FAM168A: variants seen among roughly 807,000 people sequenced by gnomAD.
The protein encoded by FAM168A is family with sequence similarity 168 member A.
FAM168A carries 3 observed loss-of-function variants against 28.5 expected under a neutral mutation model. That is an observed-to-expected ratio of 0.11 (90% confidence interval 0.05 to 0.27). FAM168A has a LOEUF of 0.27. FAM168A is among the 10% of genes least tolerant of loss of function. The pLI, the probability that FAM168A is intolerant of heterozygous loss-of-function variation, is 1.00. For synonymous variants in FAM168A, 122 were observed against 124.2 expected (o/e 0.98, Z 0.12); for missense variants, 222 against 311.5 (o/e 0.71, Z 2.16).
At chr11:73,409,413 T>C in intron 6 of FAM168A, 74 bp downstream of exon 6, 1 of 1,585,204 alleles carries the variant, frequency 6.3e-7, no homozygotes. Flanking sequence ...CAGCCAATTC[T>C]ATGACTGTGT....
chr11:73,456,607 C>T (rs924677770), intron 2 of FAM168A, among the ~76,000 whole-genome samples: 4 of 152,228 alleles, frequency 2.6e-5, no homozygotes, highest in African/African-American at 7.2e-5. Context: ...CTACATGACA[C>T]TGACAGTTTT....
At chr11:73,564,952 T>C (rs540277333) in intron 1 of FAM168A, among the ~76,000 whole-genome samples, 66 of 151,806 alleles carry the variant, frequency 4.3e-4, no homozygotes, top group Non-Finnish European at 7.1e-4. Context: ...AGAAAAAGGG[T>C]CAGTTAGCAA....
At chr11:73,422,559 TGAAGACAA>T (rs1161156255) in intron 3 of FAM168A, among the ~76,000 whole-genome samples, 1 of 152,224 alleles carries the variant, frequency 6.6e-6, no homozygotes, top group Non-Finnish European at 1.5e-5. Context: ...AGTTGTGGGA[TGAAGACAA>T]TCCCAACTGA....
intron 1 of FAM168A, among the ~76,000 whole-genome samples, chr11:73,484,433 C>A (rs753914086): frequency 7.3e-5 from 11 of 151,000 alleles, no homozygotes; most frequent in African/African-American, 2.4e-4. Context: ...ACCAACTACA[C>A]ACTACAGGTA....
Position 73,419,103 on chromosome 11 carries a change from C to T in FAM168A, c.277+771G>A, listed in dbSNP as rs550724063. On this transcript the variant is annotated intron_variant, in intron 4 of 7. Transcript: ENST00000356467. ...GGGATTACAGGCATGAGCCACCGCGCCCGGCTGCCACTCAGTAATTTCTAA... is the reference window on the plus strand; with the variant it reads ...GGGATTACAGGCATGAGCCACCGCGTCCGGCTGCCACTCAGTAATTTCTAA... Among the ~76,000 whole-genome samples the T allele has an allele frequency of 1.6e-3, 248 of 152,172 alleles. 1 individual carries two copies. Among genetic ancestry groups the T allele is most frequent in the Non-Finnish European group, 3.1e-3 (213 of 68,026 alleles).
chr11:73,446,464 G>A (rs1215906762), intron 2 of FAM168A, among the ~76,000 whole-genome samples: 1 of 152,112 alleles, frequency 6.6e-6, no homozygotes, highest in East Asian at 1.9e-4. Context: ...GATTCCTCAA[G>A]GGATATGAGA....
chr11:73,502,874 A>T (rs900162335), intron 1 of FAM168A, among the ~76,000 whole-genome samples: 17 of 152,236 alleles, frequency 1.1e-4, no homozygotes, highest in African/African-American at 3.6e-4. Flanking sequence ...ATAATCCATC[A>T]CATAAACAGA....
intron 2 of FAM168A, among the ~76,000 whole-genome samples, chr11:73,467,251 C>T (rs1867749556): frequency 6.6e-6 from 1 of 151,430 alleles, no homozygotes; most frequent in Admixed American, 6.6e-5. Flanking sequence ...TTGTTTGATT[C>T]TCACAACTGT....
At position 73,419,922 on chromosome 11, in the gene FAM168A, C is replaced by T; in HGVS notation, c.229G>A (p.Asp77Asn). 1 of 1,613,964 alleles carries T rather than the reference C, an allele frequency of 6.2e-7. No homozygotes were observed. Among genetic ancestry groups the T allele is most frequent in the Non-Finnish European group, 8.5e-7 (1 of 1,179,922 alleles). Reference sequence around the variant, plus strand: ...TAAGTTCGGTTCTCGGTCCCGGTGTCCACTGGGAGGTGGAAGGTGCCTTCA... The same window carrying T: ...TAAGTTCGGTTCTCGGTCCCGGTGTTCACTGGGAGGTGGAAGGTGCCTTCA... ...GTEGTFHLPV[D>N]TGTENRTYQA... is the part of the protein sequence containing the mutation. Residue 77 changes from aspartate to asparagine, a missense_variant, in exon 4 of 8, where the codon GAC (aspartate) becomes AAC (asparagine). Asp to Asn is a conservative substitution (Grantham distance 23, BLOSUM62 1). This residue lies in a region of FAM168A where 153 missense variants were observed against 189.2 expected (regional missense o/e 0.81). Coordinates refer to ENST00000356467, the MANE Select transcript of FAM168A (RefSeq NM_015159.3).
chr11:73,587,811 G>A (rs1037027639), intron 1 of FAM168A, among the ~76,000 whole-genome samples: 8 of 151,968 alleles, frequency 5.3e-5, no homozygotes, highest in Non-Finnish European at 8.8e-5. Flanking sequence ...GGGCAGTGGC[G>A]CAATCTCGGA....
intron 1 of FAM168A, among the ~76,000 whole-genome samples, chr11:73,566,827 G>C (rs1249658007): frequency 6.6e-6 from 1 of 152,188 alleles, no homozygotes; most frequent in Non-Finnish European, 1.5e-5. Flanking sequence ...ATCAACACAG[G>C]AGAAGCATGA....
intron 2 of FAM168A, among the ~76,000 whole-genome samples, chr11:73,433,713 T>C (rs1484437014): frequency 2.0e-5 from 3 of 152,158 alleles, no homozygotes; most frequent in Non-Finnish European, 2.9e-5. Flanking sequence ...CCATTGCCTG[T>C]TTTAGTTGTT....
At chr11:73,467,627 G>A (rs116313198) in intron 2 of FAM168A, among the ~76,000 whole-genome samples, 6 of 152,090 alleles carry the variant, frequency 3.9e-5, no homozygotes, top group African/African-American at 7.2e-5. Context: ...TAGTAAGAAC[G>A]AAGGCAGCCA....
At chr11:73,559,349 G>A (rs988283602) in intron 1 of FAM168A, among the ~76,000 whole-genome samples, 3 of 152,106 alleles carry the variant, frequency 2.0e-5, no homozygotes, top group Non-Finnish European at 2.9e-5. Context: ...GGAGGATGCA[G>A]TGAGCCGAGA....
intron 1 of FAM168A, among the ~76,000 whole-genome samples, chr11:73,553,167 C>T (rs1398671224): frequency 2.0e-5 from 3 of 151,968 alleles, no homozygotes; most frequent in African/African-American, 7.3e-5. Flanking sequence ...TTAAGGTCAG[C>T]CAGGTAGAGC....
At chr11:73,591,069 G>A (rs1944375076) in intron 1 of FAM168A, among the ~76,000 whole-genome samples, 1 of 152,120 alleles carries the variant, frequency 6.6e-6, no homozygotes, top group Non-Finnish European at 1.5e-5. Flanking sequence ...ACTTGAACCT[G>A]GGAGGAAGAG....
chr11:73,427,596 T>A (rs935299619), intron 3 of FAM168A, among the ~76,000 whole-genome samples: 1 of 152,196 alleles, frequency 6.6e-6, no homozygotes, highest in South Asian at 2.1e-4. Flanking sequence ...TTCTCTAAGC[T>A]TTAGTTTTCC....
chr11:73,541,593 G>A (rs144449411), intron 1 of FAM168A, among the ~76,000 whole-genome samples: 1 of 151,782 alleles, frequency 6.6e-6, no homozygotes. Flanking sequence ...AGATGGTCTC[G>A]ATCTCCTGAC....
chr11:73,446,379 T>C (rs933326911), intron 2 of FAM168A, among the ~76,000 whole-genome samples: 5 of 152,192 alleles, frequency 3.3e-5, no homozygotes, highest in Admixed American at 1.3e-4. Flanking sequence ...TCTATTAATA[T>C]AAAATAGGAA....
Sources: allele counts gnomAD v4.1 joint callset (sites outside exome capture counted in the v4.1 genomes callset), GRCh38; gene constraint gnomAD v4.1.1; regional missense constraint gnomAD v4.1.1; transcripts MANE v1.5; gene names NCBI Gene and HGNC (gene_info 2026-07-23, HGNC 2026-07-21).